COQ3: variants seen among roughly 807,000 people sequenced by gnomAD.
The protein encoded by COQ3 is ubiquinone biosynthesis O-methyltransferase, mitochondrial.
Under a neutral mutation model 33.1 loss-of-function variants are expected in COQ3, and 29 were observed. The observed-to-expected ratio is 0.88, with a 90% CI of 0.65 to 1.19. The LOEUF is 1.19. COQ3 is among the 50% of genes most tolerant of loss of function. The probability of loss-of-function intolerance (pLI) is 0.00; values close to 1 mark genes in which losing one functional copy is unlikely to be tolerated. For missense variants in COQ3, 437 were observed against 430.7 expected (o/e 1.01, Z -0.13); for synonymous variants, 173 against 157.8 (o/e 1.10, Z -0.72).
At chr6:99,370,328 T>C (rs1352288884) in intron 6 of COQ3, among the ~76,000 whole-genome samples, 1 of 142,698 alleles carries the variant, frequency 7.0e-6, no homozygotes, top group East Asian at 2.0e-4. Context: ...TTTCTTTCTT[T>C]CTTTTCTTTT....
chr6:99,369,703 T>C lies in COQ3; in HGVS notation c.1007A>G (p.Gln336Arg), dbSNP rs759686244. The C allele has an allele frequency of 2.5e-5, 40 of 1,613,924 alleles. 1 individual carries two copies. In the South Asian group the frequency reaches 3.7e-4, roughly 15 times the overall value. The change falls in exon 7 of 7, where the codon CAG becomes CGG. Residue 336 changes from glutamine (Q) to arginine (R), a missense_variant. Coordinates refer to ENST00000254759, the MANE Select transcript of COQ3 (RefSeq NM_017421.4). ...YAAYAVKSRV[Q>R]EHPASAEFVL... is the part of the protein sequence containing the mutation. ...AAACTCAGCAGAGGCTGGGTGTTCCTGGACCCTGGATTTCACAGCATAAGC... is the reference window on the plus strand; with the variant it reads ...AAACTCAGCAGAGGCTGGGTGTTCCCGGACCCTGGATTTCACAGCATAAGC...
intron 1 of COQ3, among the ~76,000 whole-genome samples, chr6:99,392,750 C>T (rs1480607806): frequency 6.6e-6 from 1 of 152,010 alleles, no homozygotes; most frequent in African/African-American, 2.4e-5. Context: ...CTCAGCCTCC[C>T]GAGTAGCTGG....
chr6:99,393,934 G>C (rs1234341917), intron 1 of COQ3, 140 bp downstream of exon 1: 3 of 647,238 alleles, frequency 4.6e-6, no homozygotes, highest in Admixed American at 5.5e-5. Context: ...GAGAGAGATG[G>C]GGCCAGGACC....
intron 5 of COQ3, among the ~76,000 whole-genome samples, chr6:99,373,284 T>C (rs146302642): frequency 8.5e-5 from 13 of 152,116 alleles, no homozygotes; most frequent in African/African-American, 2.9e-4. Context: ...TTAAAAAAAC[T>C]ATCAGGCATG....
intron 1 of COQ3, among the ~76,000 whole-genome samples, chr6:99,387,672 A>T (rs924462999): frequency 7.9e-5 from 12 of 152,230 alleles, no homozygotes; most frequent in Admixed American, 5.2e-4. Context: ...CCCTAAAATC[A>T]GAAACAAGGT....
Sources: gnomAD v4.1 joint callset for allele counts (sites outside exome capture counted in the v4.1 genomes callset) on GRCh38, gnomAD v4.1.1 for gene constraint, MANE v1.5 for transcripts, NCBI Gene and HGNC (gene_info 2026-07-23, HGNC 2026-07-21) for gene names.